Variants in VWDE observed in about 807,000 individuals in gnomAD.
VWDE encodes von Willebrand factor D and EGF domains, also known as von Willebrand factor D and EGF domain-containing protein.
A neutral mutation model predicts 178.4 loss-of-function variants in VWDE; 207 were observed. The observed-to-expected ratio is 1.16, with a 90% CI of 1.04 to 1.30. The LOEUF (loss-of-function observed/expected upper bound fraction) is 1.30, where lower values mean the gene tolerates loss of function less well. Among genes scored for constraint, VWDE ranks in the 50% most tolerant of loss-of-function variants. The pLI, the probability that VWDE is intolerant of heterozygous loss-of-function variation, is 0.00. For missense variants in VWDE, 2,287 were observed against 1,901.3 expected (o/e 1.20, Z -3.77); for synonymous variants, 738 against 651.4 (o/e 1.13, Z -2.02).
chr7:12,334,824 T>C (rs866619200), intron 27 of VWDE, among the ~76,000 whole-genome samples: 1 of 152,214 alleles, frequency 6.6e-6, no homozygotes, highest in African/African-American at 2.4e-5. Context: ...ATGGTCCGCA[T>C]AGAGCTTACT....
At position 12,380,636 on chromosome 7, in the gene VWDE, A is replaced by T; in HGVS notation, c.639T>A (p.Asp213Glu). 1 of 1,552,278 alleles carries T rather than the reference A, an allele frequency of 6.4e-7. No individual in the cohort carries two copies. Among genetic ancestry groups the T allele is most frequent in the Non-Finnish European group, 8.7e-7 (1 of 1,147,128 alleles). ...CCACTGAGTTTTTTGTAGCGGGAAC[A>T]TCAAAAGAACACCTACAGAAAAGCC... is the stretch of plus-strand genomic sequence containing the variant. ...ESRLFCRCSF[D>E]VPATKNSVGF... Residue 213 changes from aspartate (D) to glutamate (E), a missense_variant, in exon 5 of 29, where the codon GAT becomes GAA. Coordinates refer to ENST00000275358, the MANE Select transcript of VWDE (RefSeq NM_001135924.3).
At chr7:12,365,655 AGCAGG>A (rs1175902297) in intron 13 of VWDE, among the ~76,000 whole-genome samples, 1 of 152,016 alleles carries the variant, frequency 6.6e-6, no homozygotes, top group Non-Finnish European at 1.5e-5. Context: ...CAAGGCTTTG[AGCAGG>A]GCCCATGTTC....
intron 1 of VWDE, among the ~76,000 whole-genome samples, chr7:12,395,345 G>A (rs1009874673): frequency 6.6e-6 from 1 of 152,118 alleles, no homozygotes; most frequent in African/African-American, 2.4e-5. Flanking sequence ...CTAATAAGGT[G>A]TGCATAAATT....
intron 1 of VWDE, among the ~76,000 whole-genome samples, chr7:12,403,010 C>G (rs1427611028): frequency 3.3e-5 from 5 of 151,892 alleles, no homozygotes; most frequent in African/African-American, 1.2e-4. Flanking sequence ...GCAAAAAGGG[C>G]TAATGAAAGT....
intron 9 of VWDE, among the ~76,000 whole-genome samples, chr7:12,374,122 C>T (rs563686959): frequency 5.7e-4 from 87 of 152,044 alleles, no homozygotes; most frequent in Non-Finnish European, 9.3e-4. Flanking sequence ...TCTCCCAGAA[C>T]GATATAACTG....
intron 4 of VWDE, among the ~76,000 whole-genome samples, chr7:12,382,690 T>G (rs1359004810): frequency 6.6e-6 from 1 of 151,902 alleles, no homozygotes; most frequent in Non-Finnish European, 1.5e-5. Flanking sequence ...CAGTCTCTCA[T>G]GCATTTCAGT....
intron 1 of VWDE, among the ~76,000 whole-genome samples, chr7:12,394,522 G>T (rs1051161425): frequency 6.6e-6 from 1 of 152,034 alleles, no homozygotes; most frequent in Non-Finnish European, 1.5e-5. Flanking sequence ...CACAGAGGCC[G>T]AACAAAAAGC....
intron 1 of VWDE, among the ~76,000 whole-genome samples, chr7:12,396,880 G>C (rs538522943): frequency 3.0e-4 from 45 of 152,144 alleles, no homozygotes; most frequent in African/African-American, 8.9e-4. Flanking sequence ...AGTTGCAGTT[G>C]GCCAAGGTCA....
At chr7:12,351,302 G>C (rs112972901) in intron 19 of VWDE, among the ~76,000 whole-genome samples, 224 of 152,214 alleles carry the variant, frequency 1.5e-3, no homozygotes, top group African/African-American at 5.2e-3. Context: ...TAAAATATAA[G>C]TTTGAAATAG....
At chr7:12,332,757 A>G (rs549921753) in intron 28 of VWDE, among the ~76,000 whole-genome samples, 3 of 152,324 alleles carry the variant, frequency 2.0e-5, no homozygotes, top group Non-Finnish European at 4.4e-5. Flanking sequence ...AGAAAACTAT[A>G]CATATATCCA....
chr7:12,380,102 CA>C lies in VWDE; in HGVS notation c.789+383del, dbSNP rs996069165. Among the ~76,000 whole-genome samples the C allele has an allele frequency of 3.5e-3, 453 of 128,722 alleles. 1 individual carries two copies. Among genetic ancestry groups the C allele is most frequent in the African/African-American group, 0.013 (435 of 34,516 alleles). 84.4% of individuals were successfully genotyped at this position (128,722 alleles called of 152,430 possible). ...CTGGCGACAGAGTGAGACTCCGCCT[CA>C]AAAAAAAAAGAAAAGTAATTAAAAA... On this transcript the variant is annotated intron_variant, in intron 5 of 28. Coordinates refer to ENST00000275358, the MANE Select transcript of VWDE (RefSeq NM_001135924.3).
chr7:12,367,298 T>A (rs1468506368), intron 13 of VWDE, 59 bp downstream of exon 13: 1 of 1,323,658 alleles, frequency 7.6e-7, no homozygotes. Context: ...TAATCCAAGA[T>A]AATATTAATC....
At chr7:12,402,309 T>C (rs532145379) in intron 1 of VWDE, among the ~76,000 whole-genome samples, 30 of 152,296 alleles carry the variant, frequency 2.0e-4, no homozygotes, top group African/African-American at 7.0e-4. Flanking sequence ...AGTCGCACAC[T>C]TTGAGTGATT....
intron 1 of VWDE, among the ~76,000 whole-genome samples, chr7:12,399,565 T>C (rs113647571): frequency 1.2e-3 from 179 of 152,280 alleles, no homozygotes; most frequent in African/African-American, 4.1e-3. Flanking sequence ...ATAAACCAAC[T>C]TGACCTAGCA....
At chr7:12,368,019 T>A (rs1221784075) in intron 12 of VWDE, among the ~76,000 whole-genome samples, 2 of 151,950 alleles carry the variant, frequency 1.3e-5, no homozygotes, top group African/African-American at 4.8e-5. Context: ...AATACAACTC[T>A]ACTAGCAGTA....
chr7:12,397,523 T>A (rs573520230), intron 1 of VWDE, among the ~76,000 whole-genome samples: 1 of 152,132 alleles, frequency 6.6e-6, no homozygotes, highest in African/African-American at 2.4e-5. Flanking sequence ...AAAGAACTTA[T>A]GACTAAGTTC....
chr7:12,350,927 T>G (rs1400351446), intron 19 of VWDE, among the ~76,000 whole-genome samples: 1 of 152,058 alleles, frequency 6.6e-6, no homozygotes, highest in Non-Finnish European at 1.5e-5. Context: ...CAAAAAACAA[T>G]TATTGTCTGC....
chr7:12,362,222 C>T (rs1280562947), intron 13 of VWDE, among the ~76,000 whole-genome samples: 2 of 31,600 alleles, frequency 6.3e-5, no homozygotes, highest in African/African-American at 4.4e-4. Flanking sequence ...GACAAACATA[C>T]ACACACACAC....
chr7:12,353,311 A>G (rs1782047360), intron 18 of VWDE, among the ~76,000 whole-genome samples: 1 of 152,170 alleles, frequency 6.6e-6, no homozygotes, highest in South Asian at 2.1e-4. Context: ...ATATAAGGAT[A>G]CTAATTCTGT....
Sources: allele counts gnomAD v4.1 joint callset (sites outside exome capture counted in the v4.1 genomes callset), GRCh38; gene constraint gnomAD v4.1.1; transcripts MANE v1.5; gene names NCBI Gene and HGNC (gene_info 2026-07-23, HGNC 2026-07-21).